The following WDFY1 variants were observed in gnomAD, a reference collection of about 807,000 sequenced individuals.
WDFY1 encodes the protein WD repeat and FYVE domain containing 1.
WDFY1 carries 32 observed loss-of-function variants against 56.4 expected under a neutral mutation model. The observed-to-expected ratio is 0.57, with a 90% confidence interval of 0.43 to 0.76. WDFY1 has a LOEUF of 0.76. Among genes scored for constraint, WDFY1 ranks in the 30% least tolerant of loss-of-function variants. The pLI is 0.00. For missense variants in WDFY1, 480 were observed against 545.7 expected, an observed-to-expected ratio of 0.88 and a Z score of 1.20; for synonymous variants, 192 against 197.3, an observed-to-expected ratio of 0.97 and a Z score of 0.23.
rs563062063 is a variant in WDFY1 at position 223,918,336 on chromosome 2, T to C, written c.138-326A>G. On this transcript the variant is annotated intron_variant, in intron 1 of 11. Coordinates refer to ENST00000233055, the MANE Select transcript of WDFY1 (RefSeq NM_020830.5). ...AGGATTTCAAATCATTTCAATAATA[T>C]GAAAATGTTCGGCCAGGCGCGGTGG... is the stretch of plus-strand genomic sequence containing the variant. Among the ~76,000 whole-genome samples, 10 of 152,242 alleles carry C rather than the reference T, an allele frequency of 6.6e-5. No individual in the cohort carries two copies. In the South Asian group the frequency reaches 1.9e-3, roughly 28 times the overall value.
At chr2:223,885,504 T>C (rs192730826) in intron 8 of WDFY1, among the ~76,000 whole-genome samples, 4 of 152,244 alleles carry the variant, frequency 2.6e-5, no homozygotes, top group South Asian at 2.1e-4. Context: ...GCCTTAACTG[T>C]GTGCCGAGTA....
Position 223,880,188 on chromosome 2 carries a change from G to C in WDFY1, c.1109C>G (p.Ser370Cys). The C allele has an allele frequency of 6.2e-7, 1 of 1,614,148 alleles. No individual in the cohort carries two copies. Among genetic ancestry groups the C allele is most frequent in the Non-Finnish European group, 8.5e-7 (1 of 1,180,016 alleles). ...CCTGGCAATGTCCATGGACATGTGG[G>C]AAATGTTATGTTTTCCTTCATGAAA... ...ATFHEGKHNI[S>C]HMSMDIARGL... Residue 370 changes from serine to cysteine, a missense_variant, in exon 11 of 12, where the codon TCC (serine) becomes TGC (cysteine). Transcript: ENST00000233055.
chr2:223,890,649 A>T (rs1197132341), intron 8 of WDFY1, among the ~76,000 whole-genome samples: 1 of 152,154 alleles, frequency 6.6e-6, no homozygotes, highest in Admixed American at 6.6e-5. Flanking sequence ...ATCAGTTATT[A>T]TAATTGCTTC....
intron 6 of WDFY1, among the ~76,000 whole-genome samples, chr2:223,898,431 A>T (rs1484660070): frequency 6.6e-6 from 1 of 151,998 alleles, no homozygotes; most frequent in African/African-American, 2.4e-5. Context: ...ACAGAGTCTC[A>T]CTCTGTCACC....
chr2:223,908,940 C>A (rs1417185955), intron 3 of WDFY1, among the ~76,000 whole-genome samples: 4 of 152,208 alleles, frequency 2.6e-5, no homozygotes, highest in African/African-American at 9.7e-5. Flanking sequence ...GCCACAGCCT[C>A]TTCTCCATCA....
intron 1 of WDFY1, among the ~76,000 whole-genome samples, chr2:223,922,575 C>T (rs1261762110): frequency 1.3e-5 from 2 of 152,184 alleles, no homozygotes; most frequent in Admixed American, 1.3e-4. Flanking sequence ...CTGCCAGCTG[C>T]CTGTGTGTTC....
chr2:223,919,466 C>G (rs1279199821), intron 1 of WDFY1, among the ~76,000 whole-genome samples: 1 of 152,214 alleles, frequency 6.6e-6, no homozygotes, highest in African/African-American at 2.4e-5. Flanking sequence ...CTGCCTTGGC[C>G]TTCCAAAGTG....
intron 1 of WDFY1, among the ~76,000 whole-genome samples, chr2:223,941,639 C>T (rs1230174286): frequency 3.3e-5 from 5 of 152,158 alleles, no homozygotes; most frequent in Non-Finnish European, 5.9e-5. Flanking sequence ...GAAAGAGCAA[C>T]TTAGCTGTCA....
At chr2:223,899,975 A>T (rs1363109684) in intron 5 of WDFY1, among the ~76,000 whole-genome samples, 1 of 152,182 alleles carries the variant, frequency 6.6e-6, no homozygotes, top group Non-Finnish European at 1.5e-5. Flanking sequence ...ATAATCCAAA[A>T]CGCAGTTATT....
chr2:223,913,993 CTTTTTTTTTTTT>C (rs386392770), intron 2 of WDFY1, among the ~76,000 whole-genome samples: 2 of 88,152 alleles, frequency 2.3e-5, no homozygotes, highest in African/African-American at 9.3e-5. Flanking sequence ...AATCAGTTAG[CTTTTTTTTTTTT>C]TTTTTTTTTT....
At chr2:223,905,254 A>G (rs910161011) in intron 4 of WDFY1, among the ~76,000 whole-genome samples, 1 of 152,202 alleles carries the variant, frequency 6.6e-6, no homozygotes, top group African/African-American at 2.4e-5. Context: ...AATCTAGGGC[A>G]CTTAAAAAAC....
At chr2:223,932,117 CTTTT>C (rs35246074) in intron 1 of WDFY1, among the ~76,000 whole-genome samples, 3 of 93,984 alleles carry the variant, frequency 3.2e-5, no homozygotes, top group African/African-American at 1.3e-4. Context: ...GTATGAGTAC[CTTTT>C]TTTTTTTTTT....
At chr2:223,891,514 T>A (rs1015789671) in intron 8 of WDFY1, among the ~76,000 whole-genome samples, 1 of 151,896 alleles carries the variant, frequency 6.6e-6, no homozygotes, top group African/African-American at 2.4e-5. Flanking sequence ...AAATAATGCA[T>A]CTTTTTGACA....
At chr2:223,884,820 A>C in intron 8 of WDFY1, 71 bp from the exon 9 acceptor site, 1 of 1,338,506 alleles carries the variant, frequency 7.5e-7, no homozygotes, top group Admixed American at 1.8e-5. Context: ...AATTAATACA[A>C]CAGTTCTAGA....
chr2:223,932,145 C>T (rs1431117929), intron 1 of WDFY1, among the ~76,000 whole-genome samples: 3 of 104,228 alleles, frequency 2.9e-5, no homozygotes, highest in South Asian at 3.3e-4. Flanking sequence ...TTTTTTGAGA[C>T]GAAGTCTCGC....
intron 1 of WDFY1, among the ~76,000 whole-genome samples, chr2:223,931,232 T>G (rs1305902708): frequency 6.6e-6 from 1 of 152,246 alleles, no homozygotes; most frequent in Non-Finnish European, 1.5e-5. Flanking sequence ...ATTTGAATCC[T>G]TAAAAATGGA....
At chr2:223,901,434 T>C in intron 4 of WDFY1, 101 bp from the exon 5 acceptor site, 1 of 1,408,546 alleles carries the variant, frequency 7.1e-7, no homozygotes, top group Admixed American at 2.1e-5. Flanking sequence ...AGGGCACAGC[T>C]GTGTACAAGA....
Position 223,875,742 on chromosome 2 carries a change from C to T in WDFY1, c.*2929G>A, listed in dbSNP as rs1559159566. The T allele has an allele frequency of 6.6e-6, 1 of 152,186 alleles. No homozygotes were observed. Among genetic ancestry groups the T allele is most frequent in the Non-Finnish European group, 1.5e-5 (1 of 68,026 alleles). 9.4% of individuals were successfully genotyped at this position (152,186 alleles called of 1,614,324 possible). ...TATTACTTATTTGTTAAGCCTTACACTTACGATGAGCAGATGGTTTATCAC... is the reference window on the plus strand; with the variant it reads ...TATTACTTATTTGTTAAGCCTTACATTTACGATGAGCAGATGGTTTATCAC... On this transcript the variant is annotated 3_prime_UTR_variant, in exon 12 of 12. Coordinates refer to ENST00000233055, the MANE Select transcript of WDFY1 (RefSeq NM_020830.5).
chr2:223,878,967 T>C (rs562127396), intron 11 of WDFY1, among the ~76,000 whole-genome samples: 6 of 152,346 alleles, frequency 3.9e-5, no homozygotes, highest in Admixed American at 1.3e-4. Context: ...GTGTAGCACT[T>C]GAGCCCAGGA....
Sources: gnomAD v4.1 joint callset for allele counts (sites outside exome capture counted in the v4.1 genomes callset) on GRCh38, gnomAD v4.1.1 for gene constraint, MANE v1.5 for transcripts, NCBI Gene and HGNC (gene_info 2026-07-23, HGNC 2026-07-21) for gene names.